The following HTR4 variants were observed in gnomAD, a reference collection of about 807,000 sequenced individuals.
HTR4 encodes 5-hydroxytryptamine (serotonin) receptor 4, G protein-coupled.
A neutral mutation model predicts 36.8 loss-of-function variants in HTR4; 16 were observed. The observed-to-expected ratio is 0.43, with a 90% CI of 0.29 to 0.66. The LOEUF (loss-of-function observed/expected upper bound fraction) is 0.66, where lower values mean the gene tolerates loss of function less well. Ranked by LOEUF, HTR4 falls within the 30% of genes least tolerant of loss-of-function variation. The pLI, the probability that HTR4 is intolerant of heterozygous loss-of-function variation, is 0.13. For synonymous variants in HTR4, 189 were observed against 185.1 expected, an observed-to-expected ratio of 1.02 and a Z score of -0.17; for missense variants, 438 against 490.9, an observed-to-expected ratio of 0.89 and a Z score of 1.02.
intron 2 of HTR4, among the ~76,000 whole-genome samples, chr5:148,603,946 G>C (rs1055513934): frequency 4.6e-5 from 7 of 151,968 alleles, no homozygotes; most frequent in Non-Finnish European, 7.4e-5. Context: ...TTCAATGAAT[G>C]GCCCTAGGTC....
At chr5:148,468,305 C>T (rs771194623) in intron 5 of HTR4, among the ~76,000 whole-genome samples, 33 of 152,188 alleles carry the variant, frequency 2.2e-4, no homozygotes, top group Non-Finnish European at 7.4e-5. Flanking sequence ...GCTTCAAACA[C>T]CTGGATAGCT....
At chr5:148,611,062 G>A (rs2127280266) in intron 2 of HTR4, among the ~76,000 whole-genome samples, 1 of 149,402 alleles carries the variant, frequency 6.7e-6, no homozygotes, top group African/African-American at 2.5e-5. Flanking sequence ...TGGTGTACCT[G>A]AAAGTGATGG....
At chr5:148,568,678 G>C (rs1760553421) in intron 2 of HTR4, among the ~76,000 whole-genome samples, 1 of 152,120 alleles carries the variant, frequency 6.6e-6, no homozygotes, top group Non-Finnish European at 1.5e-5. Context: ...GAATTGACAA[G>C]GGTGTGCTGA....
chr5:148,610,305 T>C (rs1752368249), intron 2 of HTR4, among the ~76,000 whole-genome samples: 2 of 152,152 alleles, frequency 1.3e-5, no homozygotes, highest in African/African-American at 4.8e-5. Context: ...GAGCAGTGGT[T>C]CTCCCAGTAC....
chr5:148,473,162 G>T (rs1315167352), downstream of HTR4, among the ~76,000 whole-genome samples: 1 of 152,052 alleles, frequency 6.6e-6, no homozygotes, highest in African/African-American at 2.4e-5. Flanking sequence ...AGCTGGGTGT[G>T]GTTGTGGGCG....
At chr5:148,477,985 T>C (rs1755752849), downstream of HTR4, among the ~76,000 whole-genome samples, 1 of 152,232 alleles carries the variant, frequency 6.6e-6, no homozygotes, top group African/African-American at 2.4e-5. Context: ...CTATTTTTTA[T>C]TCTCTTTATA....
At chr5:148,600,976 CAAAAAAAAA>C (rs58003522) in intron 2 of HTR4, among the ~76,000 whole-genome samples, 945 of 13,560 alleles carry the variant, frequency 0.07, 30 homozygotes, top group Admixed American at 0.35. Flanking sequence ...AACTCAATAG[CAAAAAAAAA>C]AAAAAAAAAA....
downstream of HTR4, among the ~76,000 whole-genome samples, chr5:148,479,463 T>G (rs551717074): frequency 1.3e-5 from 2 of 152,300 alleles, no homozygotes; most frequent in African/African-American, 4.8e-5. Context: ...TCCTTGAATA[T>G]ATAATTTATA....
At chr5:148,564,677 A>C (rs1760360276) in intron 2 of HTR4, among the ~76,000 whole-genome samples, 1 of 152,200 alleles carries the variant, frequency 6.6e-6, no homozygotes. Context: ...TATAGCTGTT[A>C]ACATCACATA....
intron 2 of HTR4, among the ~76,000 whole-genome samples, chr5:148,635,698 T>C (rs754693371): frequency 1.3e-5 from 2 of 152,216 alleles, no homozygotes; most frequent in Non-Finnish European, 2.9e-5. Context: ...ACCATTGATA[T>C]TGCTCACTCT....
chr5:148,522,572 A>T (rs1758072498), intron 5 of HTR4, among the ~76,000 whole-genome samples: 1 of 152,194 alleles, frequency 6.6e-6, no homozygotes, highest in South Asian at 2.1e-4. Flanking sequence ...TAAAGAAAAA[A>T]ATTATTCATG....
At chr5:148,489,562 A>G (rs1756319805) in intron 6 of HTR4, among the ~76,000 whole-genome samples, 1 of 152,240 alleles carries the variant, frequency 6.6e-6, no homozygotes. Context: ...GAAAGTTTAG[A>G]GAACTCCTAT....
intron 6 of HTR4, among the ~76,000 whole-genome samples, chr5:148,504,545 A>G (rs544201810): frequency 7.9e-5 from 12 of 152,346 alleles, no homozygotes; most frequent in African/African-American, 2.6e-4. Flanking sequence ...AAAGCAGGAA[A>G]GATCTAAAAT....
At chr5:148,573,319 A>G (rs1047862936) in intron 2 of HTR4, among the ~76,000 whole-genome samples, 3 of 152,040 alleles carry the variant, frequency 2.0e-5, no homozygotes, top group African/African-American at 7.2e-5. Context: ...GGGAACAAAG[A>G]ACTCTTAATC....
chr5:148,583,655 A>G (rs1761237971), intron 2 of HTR4, among the ~76,000 whole-genome samples: 1 of 151,972 alleles, frequency 6.6e-6, no homozygotes, highest in Non-Finnish European at 1.5e-5. Flanking sequence ...CATCATTATT[A>G]TCATCATTTT....
intron 2 of HTR4, among the ~76,000 whole-genome samples, chr5:148,602,953 G>A (rs752350645): frequency 1.1e-4 from 17 of 151,994 alleles, no homozygotes; most frequent in Non-Finnish European, 2.4e-4. Flanking sequence ...AACAAAATCT[G>A]TAAGTAAAAG....
chr5:148,574,525 A>G (rs1305215234), intron 2 of HTR4, among the ~76,000 whole-genome samples: 1 of 152,116 alleles, frequency 6.6e-6, no homozygotes, highest in African/African-American at 2.4e-5. Flanking sequence ...GGTTAGAATT[A>G]CTATTATAAA....
At chr5:148,537,410 A>G (rs1483453582) in intron 4 of HTR4, among the ~76,000 whole-genome samples, 2 of 152,112 alleles carry the variant, frequency 1.3e-5, no homozygotes, top group African/African-American at 4.8e-5. Context: ...GAAGGAAATC[A>G]AGACACAAAA....
At position 148,650,342 on chromosome 5, in the gene HTR4, C is replaced by G. The variant is rs572889155; in HGVS notation, c.-48+3720G>C. 7.3e-4 allele frequency among the ~76,000 whole-genome samples: 111 copies of G among 152,246 alleles called. 1 individual carries two copies. Among genetic ancestry groups the G allele is most frequent in the African/African-American group, 2.5e-3 (102 of 41,552 alleles). On this transcript the variant is annotated intron_variant, in intron 1 of 6. Transcript: ENST00000377888. ...AAAATAGTCAACCTTCTCAGACGTG[C>G]CTTAGATTTGCAAGCATATTAGTAA...
Sources: allele counts gnomAD v4.1 joint callset (sites outside exome capture counted in the v4.1 genomes callset), GRCh38; gene constraint gnomAD v4.1.1; transcripts MANE v1.5; gene names NCBI Gene and HGNC (gene_info 2026-07-23, HGNC 2026-07-21).